The following DOP1B variants were observed in gnomAD, a reference collection of about 807,000 sequenced individuals.
DOP1B encodes DOP1 leucine zipper like protein B.
Under a neutral mutation model 233.5 loss-of-function variants are expected in DOP1B, and 174 were observed. That is an observed-to-expected ratio of 0.75 (90% confidence interval 0.66 to 0.85). The LOEUF is 0.85. Among genes scored for constraint, DOP1B ranks in the 40% least tolerant of loss-of-function variants. The pLI is 0.00. For synonymous variants in DOP1B, 1,190 were observed against 1,185.6 expected (o/e 1.00, Z -0.08); for missense variants, 2,652 against 2,846.6 (o/e 0.93, Z 1.56).
chr21:36,238,371 C>T (rs1390998239), intron 16 of DOP1B, among the ~76,000 whole-genome samples: 2 of 152,174 alleles, frequency 1.3e-5, no homozygotes, highest in Non-Finnish European at 2.9e-5. Context: ...GACTCTAATA[C>T]TGAGTTCTGA....
At chr21:36,191,498 T>A (rs2123453807) in intron 2 of DOP1B, among the ~76,000 whole-genome samples, 1 of 152,190 alleles carries the variant, frequency 6.6e-6, no homozygotes, top group East Asian at 1.9e-4. Flanking sequence ...CAAGAATTCA[T>A]GGCTAGGCTG....
intron 4 of DOP1B, among the ~76,000 whole-genome samples, chr21:36,205,027 C>T (rs115457563): frequency 0.013 from 1,988 of 151,944 alleles, 40 homozygotes; most frequent in African/African-American, 0.046. Flanking sequence ...TTTTTTGCCC[C>T]CTCTTTAGCG....
rs757549275 is a variant in DOP1B at position 36,245,132 on chromosome 21, A to T, written c.3152A>T (p.Glu1051Val). 1 of 1,613,838 alleles carries T rather than the reference A, an allele frequency of 6.2e-7. No individual in the cohort carries two copies. The highest frequency in any genetic ancestry group is 1.1e-5 in the South Asian group (1 of 91,090). ...AVPEPQESGS[E>V]EHLPLSQFTT... ...CCCGAGCCTCAGGAGAGCGGCTCTG[A>T]AGAGCACCTGCCTCTGAGCCAGTTC... The change falls in exon 19 of 37, where the codon GAA (glutamate) becomes GTA (valine). Residue 1051 changes from glutamate (E) to valine (V), a missense_variant. Coordinates refer to ENST00000691173, the MANE Select transcript of DOP1B (RefSeq NM_001320714.2). The surrounding 1 kb of genome is among the most constrained non-coding windows in gnomAD (Gnocchi z 5.5).
chr21:36,250,019 A>G (rs1456517610), intron 21 of DOP1B, among the ~76,000 whole-genome samples: 1 of 152,094 alleles, frequency 6.6e-6, no homozygotes, highest in Non-Finnish European at 1.5e-5. Flanking sequence ...CTGAGCCTCC[A>G]TTTCCTCGTC....
At position 36,239,960 on chromosome 21, in the gene DOP1B, G is replaced by A; in HGVS notation, c.3067+5G>A. ...TCAAGCAGGAGAACTCGGCCGGTGA[G>A]CAGCCTGCACAGGACCCGAGGGTGA... On this transcript the variant is annotated splice_donor_5th_base_variant and intron_variant, in intron 18 of 36. Coordinates refer to ENST00000691173, the MANE Select transcript of DOP1B (RefSeq NM_001320714.2). 6.2e-7 allele frequency: 1 copy of A among 1,607,050 alleles called. No individual in the cohort carries two copies. Among genetic ancestry groups the A allele is most frequent in the Non-Finnish European group, 8.5e-7 (1 of 1,177,840 alleles).
chr21:36,244,413 C>T (rs1047334935), intron 18 of DOP1B, among the ~76,000 whole-genome samples: 1 of 152,000 alleles, frequency 6.6e-6, no homozygotes, highest in African/African-American at 2.4e-5. Context: ...GACATTTCTG[C>T]AGGATACATT....
Position 36,278,370 on chromosome 21 carries a change from C to G in DOP1B, c.5969+15C>G. ...TCCTGTGTTCAGTAAGATATGCTGT[C>G]CTGATAACAACGTGCTCTGAATCTT... On this transcript the variant is annotated intron_variant, in intron 30 of 36. Coordinates refer to ENST00000691173, the MANE Select transcript of DOP1B (RefSeq NM_001320714.2). The G allele has an allele frequency of 6.3e-7, 1 of 1,598,050 alleles. No homozygotes were observed.
At chr21:36,180,584 AAG>A (rs1293453189) in intron 2 of DOP1B, among the ~76,000 whole-genome samples, 1 of 99,966 alleles carries the variant, frequency 1.0e-5, no homozygotes, top group Non-Finnish European at 2.0e-5. Context: ...GTCTCAAAAA[AAG>A]AAAAAAAATT....
At chr21:36,177,677 C>T (rs944084078) in intron 2 of DOP1B, among the ~76,000 whole-genome samples, 3 of 152,096 alleles carry the variant, frequency 2.0e-5, no homozygotes, top group Non-Finnish European at 4.4e-5. Context: ...GAACTGGTAG[C>T]TAAATAAGAA....
chr21:36,279,309 A>G (rs910323705), intron 30 of DOP1B, among the ~76,000 whole-genome samples: 12 of 151,488 alleles, frequency 7.9e-5, no homozygotes, highest in Middle Eastern at 3.2e-3. Context: ...TCCCAGCTAC[A>G]TGGAAGCCTG....
intron 2 of DOP1B, among the ~76,000 whole-genome samples, chr21:36,197,247 T>A (rs907147910): frequency 5.3e-5 from 8 of 152,114 alleles, no homozygotes; most frequent in African/African-American, 1.9e-4. Context: ...TGATTTTTTT[T>A]AAAGATGTCA....
In DOP1B at chr21:36,230,891, C is replaced by T. The variant is rs1304120835; in HGVS notation, c.2107C>T (p.Arg703Ter). 7 of 1,614,090 alleles carry T rather than the reference C, an allele frequency of 4.3e-6. No individual in the cohort carries two copies. The highest frequency in any genetic ancestry group is 4.2e-6 in the Non-Finnish European group (5 of 1,180,000). The change falls in exon 14 of 37, where the codon CGA becomes TGA. Residue 703 changes from arginine (R) to a stop codon, truncating the protein, a stop_gained. Coordinates refer to ENST00000691173, the MANE Select transcript of DOP1B (RefSeq NM_001320714.2). LOFTEE classifies it high-confidence loss of function. ...KQMLSDLFTA[R>*]GSPFKTKSSE... ...GATGCTGTCAGACTTGTTCACAGCA[C>T]GAGGGTCTCCATTCAAGACAAAAAG...
intron 3 of DOP1B, among the ~76,000 whole-genome samples, chr21:36,199,733 A>G (rs2066339012): frequency 6.6e-6 from 1 of 152,194 alleles, no homozygotes; most frequent in African/African-American, 2.4e-5. Flanking sequence ...GATGGTTTCC[A>G]GCTTCATCCA....
chr21:36,235,866 G>C lies in DOP1B; in HGVS notation c.2623-1396G>C, dbSNP rs34216270. Among the ~76,000 whole-genome samples the C allele has an allele frequency of 4.5e-3, 664 of 147,946 alleles. 12 individuals carry two copies. Among genetic ancestry groups the C allele is most frequent in the Non-Finnish European group, 7.0e-3 (470 of 66,786 alleles). The stretch of plus-strand genomic sequence containing the variant: ...GCCATAGTGACAGCAAGGAAGTCGG[G>C]GGGGGGGCGGTCTACGTAGTCAAAA... On this transcript the variant is annotated intron_variant, in intron 15 of 36. Coordinates refer to ENST00000691173, the MANE Select transcript of DOP1B (RefSeq NM_001320714.2).
chr21:36,166,212 G>A (rs553920788), intron 2 of DOP1B, among the ~76,000 whole-genome samples: 7 of 151,394 alleles, frequency 4.6e-5, no homozygotes, highest in African/African-American at 9.7e-5. Flanking sequence ...GGTGAGTGGC[G>A]GATCACAAAA....
intron 2 of DOP1B, among the ~76,000 whole-genome samples, chr21:36,179,439 G>A (rs936921072): frequency 6.6e-6 from 1 of 152,182 alleles, no homozygotes; most frequent in Non-Finnish European, 1.5e-5. Context: ...TTTTGTACAT[G>A]ACAGATGATT....
intron 2 of DOP1B, among the ~76,000 whole-genome samples, chr21:36,190,677 G>A (rs929823837): frequency 1.2e-4 from 18 of 152,232 alleles, no homozygotes; most frequent in African/African-American, 3.4e-4. Flanking sequence ...GATTACAGGC[G>A]TGAGCCATTG....
chr21:36,227,462 G>A (rs1402260402), intron 12 of DOP1B, among the ~76,000 whole-genome samples: 1 of 151,676 alleles, frequency 6.6e-6, no homozygotes, highest in African/African-American at 2.4e-5. Context: ...CAGGAGAATG[G>A]CGTGAACCCG....
At chr21:36,169,491 C>A in intron 2 of DOP1B, 8 of 1,118,672 alleles carry the variant, frequency 7.2e-6, no homozygotes, top group South Asian at 1.3e-5. Flanking sequence ...CAACTGGTGA[C>A]CCCTTTGTAG....
Sources: gnomAD v4.1 joint callset for allele counts (sites outside exome capture counted in the v4.1 genomes callset) on GRCh38, gnomAD v4.1.1 for gene constraint, Gnocchi (gnomAD v3.1) non-coding constraint, MANE v1.5 for transcripts, NCBI Gene and HGNC (gene_info 2026-07-23, HGNC 2026-07-21) for gene names.